The following LRP1B variants were observed in gnomAD, a reference collection of about 807,000 sequenced individuals.
LRP1B encodes the protein low-density lipoprotein receptor-related protein 1B.
Under a neutral mutation model 556.6 loss-of-function variants are expected in LRP1B, and 217 were observed. That is an observed-to-expected ratio of 0.39 (90% CI 0.35 to 0.44). The LOEUF is 0.44. Among genes scored for constraint, LRP1B ranks in the 20% least tolerant of loss-of-function variants. The pLI, the probability that LRP1B is intolerant of heterozygous loss-of-function variation, is 1.00. For synonymous variants in LRP1B, 2,047 were observed against 1,865.8 expected (o/e 1.10, Z -2.50); for missense variants, 5,053 against 5,620.8 (o/e 0.90, Z 3.23).
chr2:140,764,744 G>C (rs909933466), intron 35 of LRP1B, among the ~76,000 whole-genome samples: 2 of 152,150 alleles, frequency 1.3e-5, no homozygotes, highest in African/African-American at 2.4e-5. Context: ...TCTCACACCA[G>C]AGCGATACAT....
At chr2:142,056,480 G>A (rs1456185863) in intron 1 of LRP1B, among the ~76,000 whole-genome samples, 1 of 152,068 alleles carries the variant, frequency 6.6e-6, no homozygotes, top group Non-Finnish European at 1.5e-5. Flanking sequence ...TGGCATAATA[G>A]GAAGGGAGAG....
In LRP1B at chr2:140,731,023, C is replaced by T. The variant is rs76333919; in HGVS notation, c.5759-14207G>A. Among the ~76,000 whole-genome samples the T allele has an allele frequency of 6.6e-3, 1,008 of 152,234 alleles. 13 individuals are homozygous for T. Among genetic ancestry groups the T allele is most frequent in the African/African-American group, 0.021 (878 of 41,542 alleles). On this transcript the variant is annotated intron_variant, in intron 35 of 90. Coordinates refer to ENST00000389484, the MANE Select transcript of LRP1B (RefSeq NM_018557.3). ...AGCTGCCCCAACTCCCTAGTACACA[C>T]GCAACATGTCATTTCTCATCTCTTT...
At chr2:142,012,811 G>T (rs1702997050) in intron 1 of LRP1B, among the ~76,000 whole-genome samples, 1 of 152,154 alleles carries the variant, frequency 6.6e-6, no homozygotes. Context: ...AATCAGTAGA[G>T]TTTCTACTAT....
intron 1 of LRP1B, among the ~76,000 whole-genome samples, chr2:141,825,162 G>C (rs912246356): frequency 9.9e-5 from 15 of 152,260 alleles, no homozygotes; most frequent in Admixed American, 6.5e-4. Context: ...TGTGAAAACA[G>C]ACCAGTACAA....
chr2:140,983,004 G>A (rs961948931), intron 17 of LRP1B, among the ~76,000 whole-genome samples: 1 of 152,126 alleles, frequency 6.6e-6, no homozygotes, highest in East Asian at 1.9e-4. Flanking sequence ...GTTAGCCGGA[G>A]GCAGTGGTTT....
At chr2:141,228,440 C>A (rs1053617234) in intron 6 of LRP1B, among the ~76,000 whole-genome samples, 1 of 143,874 alleles carries the variant, frequency 7.0e-6, no homozygotes, top group Non-Finnish European at 1.5e-5. Context: ...CATGTGGAAG[C>A]AGGGAGAGAG....
At chr2:141,810,793 G>T (rs7563311) in intron 1 of LRP1B, among the ~76,000 whole-genome samples, 14,022 of 152,024 alleles carry the variant, frequency 0.092, 699 homozygotes, top group Non-Finnish European at 0.1. Context: ...CTGAGAGAAA[G>T]AAAAAATTAG....
At chr2:141,141,996 AG>A (rs1444214258) in intron 7 of LRP1B, among the ~76,000 whole-genome samples, 1 of 149,280 alleles carries the variant, frequency 6.7e-6, no homozygotes, top group African/African-American at 2.6e-5. Flanking sequence ...ACAAAACGAT[AG>A]GGTTTTTTTT....
At chr2:140,873,477 A>C (rs1693205038) in intron 25 of LRP1B, among the ~76,000 whole-genome samples, 1 of 152,044 alleles carries the variant, frequency 6.6e-6, no homozygotes, top group Admixed American at 6.6e-5. Context: ...TAAGTAATAC[A>C]AATACAAAGT....
intron 2 of LRP1B, among the ~76,000 whole-genome samples, chr2:141,767,317 G>C (rs1694761281): frequency 6.6e-6 from 1 of 152,028 alleles, no homozygotes; most frequent in South Asian, 2.1e-4. Context: ...TATTTTAAGA[G>C]ATAGCTTACA....
chr2:141,049,261 G>T, intron 10 of LRP1B, 39 bp from the exon 11 acceptor site: 2 of 1,321,158 alleles, frequency 1.5e-6, no homozygotes, highest in Non-Finnish European at 2.2e-6. Context: ...AACTGATGCT[G>T]CTTAATCTTC....
At chr2:142,096,923 C>G (rs923025617) in intron 1 of LRP1B, among the ~76,000 whole-genome samples, 4 of 151,488 alleles carry the variant, frequency 2.6e-5, no homozygotes, top group Non-Finnish European at 5.9e-5. Flanking sequence ...ATCTTCATGA[C>G]CATGAGTACT....
chr2:140,411,276 T>G (rs900065296), intron 66 of LRP1B, among the ~76,000 whole-genome samples: 1 of 152,112 alleles, frequency 6.6e-6, no homozygotes, highest in Admixed American at 6.5e-5. Flanking sequence ...TGAAATAGCT[T>G]TAGTTAACAG....
chr2:140,657,600 T>TATACATATATATACATACATATATAC lies in LRP1B; in HGVS notation c.6799+42624_6799+42649dup, dbSNP rs758859264. Among the ~76,000 whole-genome samples the TATACATATATATACATACATATATAC allele has an allele frequency of 3.9e-4, 43 of 109,058 alleles. 1 individual carries two copies. Among genetic ancestry groups the TATACATATATATACATACATATATAC allele is most frequent in the African/African-American group, 1.1e-3 (38 of 34,826 alleles). 71.5% of individuals were successfully genotyped at this position (109,058 alleles called of 152,430 possible). A position where few individuals can be genotyped will look rare whatever the true frequency, so the allele number is the denominator to read the frequency against. Reference sequence around the variant, plus strand: ...ACATATATATACATACATACATATATATACATATATATACATACATATATA... The same window carrying TATACATATATATACATACATATATAC: ...ACATATATATACATACATACATATATATACATATATATACATACATATATACATACATATATATACATACATATATA... On this transcript the variant is annotated intron_variant, in intron 41 of 90. Coordinates refer to ENST00000389484, the MANE Select transcript of LRP1B (RefSeq NM_018557.3).
At chr2:140,896,816 T>C (rs1047962431) in intron 23 of LRP1B, among the ~76,000 whole-genome samples, 7 of 151,942 alleles carry the variant, frequency 4.6e-5, no homozygotes, top group African/African-American at 1.5e-4. Flanking sequence ...TTCTTTTTAA[T>C]GTCAAGAGGG....
intron 2 of LRP1B, among the ~76,000 whole-genome samples, chr2:141,576,629 C>T (rs1686757422): frequency 6.6e-6 from 1 of 151,134 alleles, no homozygotes; most frequent in African/African-American, 2.4e-5. Flanking sequence ...TTGTACATGC[C>T]TATGGTTCCA....
At chr2:141,584,060 T>C (rs1262881251) in intron 2 of LRP1B, among the ~76,000 whole-genome samples, 1 of 151,872 alleles carries the variant, frequency 6.6e-6, no homozygotes. Flanking sequence ...CTGGGCTACA[T>C]GGTAAAGCCC....
intron 41 of LRP1B, among the ~76,000 whole-genome samples, chr2:140,687,638 C>A (rs1686096394): frequency 6.6e-6 from 1 of 151,700 alleles, no homozygotes; most frequent in Non-Finnish European, 1.5e-5. Context: ...TATTTTTAAC[C>A]AGATATCCTG....
chr2:140,632,681 A>G (rs188218815), intron 41 of LRP1B, among the ~76,000 whole-genome samples: 67 of 152,330 alleles, frequency 4.4e-4, no homozygotes, highest in Admixed American at 4.4e-3. Context: ...TTAAATGTCA[A>G]TGGTTTAGAT....
Sources: allele counts gnomAD v4.1 joint callset (sites outside exome capture counted in the v4.1 genomes callset), GRCh38; gene constraint gnomAD v4.1.1; transcripts MANE v1.5; gene names NCBI Gene and HGNC (gene_info 2026-07-23, HGNC 2026-07-21).